The following FNBP1L variants were observed in gnomAD, a reference collection of about 807,000 sequenced individuals.
The protein encoded by FNBP1L is formin binding protein 1 like, also known as formin-binding protein 1-like.
FNBP1L carries 36 observed loss-of-function variants against 91.2 expected under a neutral mutation model. The ratio of observed to expected loss-of-function variants is 0.39; its 90% CI spans 0.30 to 0.52. The LOEUF (loss-of-function observed/expected upper bound fraction) is 0.52. FNBP1L is among the 20% of genes least tolerant of loss of function. The probability of loss-of-function intolerance (pLI) is 0.66; values close to 1 mark genes in which losing one functional copy is unlikely to be tolerated. For synonymous variants in FNBP1L, 242 were observed against 237.0 expected (o/e 1.02, Z -0.19); for missense variants, 571 against 732.1 (o/e 0.78, Z 2.54).
At chr1:93,453,557 T>A (rs1016571377) in intron 1 of FNBP1L, among the ~76,000 whole-genome samples, 1 of 152,212 alleles carries the variant, frequency 6.6e-6, no homozygotes, top group African/African-American at 2.4e-5. Flanking sequence ...GAAATAGTAA[T>A]GGCTTATAAA....
In FNBP1L at chr1:93,448,192, C is replaced by A; in HGVS notation, c.-90C>A. The A allele has an allele frequency of 2.7e-6, 4 of 1,488,932 alleles. No homozygotes were observed. The highest frequency in any genetic ancestry group is 3.6e-6 in the Non-Finnish European group (4 of 1,109,956). 92.2% of individuals were successfully genotyped at this position (1,488,932 alleles called of 1,614,324 possible). On this transcript the variant is annotated 5_prime_UTR_variant, in exon 1 of 17. Coordinates refer to ENST00000271234, the MANE Select transcript of FNBP1L (RefSeq NM_001164473.3). Reference sequence around the variant, plus strand: ...CGAGGTAGACCCGCTGAGCTGCTAGCCCGCCGGCCAGCGAGTGAGAGGTCG... The same window carrying A: ...CGAGGTAGACCCGCTGAGCTGCTAGACCGCCGGCCAGCGAGTGAGAGGTCG...
intron 11 of FNBP1L, among the ~76,000 whole-genome samples, chr1:93,543,080 C>T (rs1057475795): frequency 9.9e-5 from 15 of 152,126 alleles, no homozygotes; most frequent in African/African-American, 3.6e-4. Context: ...AGGCGTGAGC[C>T]ACTGCGCCTG....
In FNBP1L at chr1:93,534,689, A is replaced by G. The variant is rs941695897; in HGVS notation, c.787-16A>G. The G allele has an allele frequency of 1.3e-6, 2 of 1,533,548 alleles. No homozygotes were observed. The highest frequency in any genetic ancestry group is 1.2e-5 in the South Asian group (1 of 81,540). 95.0% of individuals were successfully genotyped at this position (1,533,548 alleles called of 1,614,324 possible). ...AGCAAGTGAAACAGTTTTAAAACCT[A>G]GTTTCTTTTGTATAGGACTCTCAAA... On this transcript the variant is annotated splice_polypyrimidine_tract_variant and intron_variant, in intron 8 of 16. Transcript: ENST00000271234.
intron 2 of FNBP1L, among the ~76,000 whole-genome samples, chr1:93,507,900 C>T (rs1374650990): frequency 6.6e-6 from 1 of 151,192 alleles, no homozygotes; most frequent in Non-Finnish European, 1.5e-5. Flanking sequence ...CCACCTGCCT[C>T]GGCCTCCCAA....
intron 1 of FNBP1L, among the ~76,000 whole-genome samples, chr1:93,477,809 G>A (rs1404600342): frequency 6.6e-6 from 1 of 152,150 alleles, no homozygotes; most frequent in Non-Finnish European, 1.5e-5. Flanking sequence ...CCCTGCATTA[G>A]TGCATTTTGT....
intron 11 of FNBP1L, 119 bp from the exon 12 acceptor site, chr1:93,543,988 T>TATCATTAAAAAA: frequency 1.7e-6 from 1 of 582,176 alleles, no homozygotes; most frequent in South Asian, 4.5e-5. Context: ...AAGGGGTTGC[T>TATCATTAAAAAA]TGAGGCAAAT....
intron 2 of FNBP1L, among the ~76,000 whole-genome samples, chr1:93,506,047 C>G (rs1314931153): frequency 1.3e-5 from 2 of 151,800 alleles, no homozygotes; most frequent in African/African-American, 4.8e-5. Context: ...GATTCGTGGC[C>G]GAAAGTGATG....
chr1:93,520,675 A>G (rs1166124235), intron 2 of FNBP1L, among the ~76,000 whole-genome samples: 1 of 152,128 alleles, frequency 6.6e-6, no homozygotes, highest in Non-Finnish European at 1.5e-5. Context: ...TGTATGGGGT[A>G]GGTACTGTTT....
chr1:93,469,855 C>T (rs759550357), intron 1 of FNBP1L, among the ~76,000 whole-genome samples: 96 of 152,134 alleles, frequency 6.3e-4, no homozygotes, highest in Non-Finnish European at 9.1e-4. Context: ...GCACACTTGT[C>T]GTTCCAGCTA....
intron 1 of FNBP1L, among the ~76,000 whole-genome samples, chr1:93,479,470 G>C (rs901055630): frequency 4.6e-5 from 7 of 152,116 alleles, no homozygotes; most frequent in African/African-American, 1.7e-4. Flanking sequence ...AATTCACCAG[G>C]GTGGGGTTTT....
At chr1:93,498,261 T>G (rs759412191) in intron 1 of FNBP1L, among the ~76,000 whole-genome samples, 5 of 152,140 alleles carry the variant, frequency 3.3e-5, no homozygotes, top group Non-Finnish European at 5.9e-5. Context: ...CTTTGAAGTG[T>G]TGTTGTTTTT....
intron 1 of FNBP1L, among the ~76,000 whole-genome samples, chr1:93,497,138 A>G (rs1483544783): frequency 6.6e-6 from 1 of 151,422 alleles, no homozygotes; most frequent in East Asian, 2.0e-4. Context: ...TTTTTTTTGT[A>G]TTTTTAGTAC....
chr1:93,533,783 T>A (rs894349672), intron 8 of FNBP1L, among the ~76,000 whole-genome samples: 1 of 152,108 alleles, frequency 6.6e-6, no homozygotes, highest in Admixed American at 6.6e-5. Context: ...AAAGAGGATT[T>A]TTGGCTTTCA....
chr1:93,517,043 C>CT (rs370353493), intron 2 of FNBP1L, among the ~76,000 whole-genome samples: 14,730 of 141,404 alleles, frequency 0.1, 1,077 homozygotes, highest in East Asian at 0.31. Context: ...TTTCCTCTTC[C>CT]TTTTTTTTTT....
intron 6 of FNBP1L, among the ~76,000 whole-genome samples, chr1:93,530,441 G>GT (rs1325190969): frequency 1.3e-5 from 2 of 151,824 alleles, no homozygotes; most frequent in Non-Finnish European, 2.9e-5. Context: ...TCATTTGTTT[G>GT]TTTTTTTATC....
chr1:93,500,021 C>T (rs1004257500), intron 2 of FNBP1L, among the ~76,000 whole-genome samples: 7 of 152,050 alleles, frequency 4.6e-5, no homozygotes, highest in African/African-American at 1.7e-4. Flanking sequence ...TATTCAGTTA[C>T]ATATTATGAA....
chr1:93,502,308 T>C (rs1223945246), intron 2 of FNBP1L, among the ~76,000 whole-genome samples: 1 of 152,228 alleles, frequency 6.6e-6, no homozygotes, highest in African/African-American at 2.4e-5. Flanking sequence ...AATGATTGTG[T>C]ATTACTTTTG....
chr1:93,515,079 A>G (rs1228297308), intron 2 of FNBP1L, among the ~76,000 whole-genome samples: 3 of 152,260 alleles, frequency 2.0e-5, no homozygotes, highest in Non-Finnish European at 1.5e-5. Context: ...CAAGAAAAAA[A>G]CAACCCCATC....
intron 1 of FNBP1L, among the ~76,000 whole-genome samples, chr1:93,450,681 T>C (rs1293385405): frequency 2.6e-5 from 4 of 152,342 alleles, no homozygotes; most frequent in East Asian, 3.9e-4. Context: ...TCTCGAAATT[T>C]TGGATTTAGA....
Sources: gnomAD v4.1 joint callset for allele counts (sites outside exome capture counted in the v4.1 genomes callset) on GRCh38, gnomAD v4.1.1 for gene constraint, MANE v1.5 for transcripts, NCBI Gene and HGNC (gene_info 2026-07-23, HGNC 2026-07-21) for gene names.